NR5A2: variants seen among roughly 807,000 people sequenced by gnomAD.
NR5A2 encodes the protein nuclear receptor subfamily 5 group A member 2, also known as CYP7A promoter-binding factor.
In NR5A2, 26 loss-of-function variants were observed where a neutral mutation model predicts 62.7. That is an observed-to-expected ratio of 0.41 (90% CI 0.30 to 0.58). The LOEUF is 0.58. Among genes scored for constraint, NR5A2 ranks in the 20% least tolerant of loss-of-function variants. The pLI is 0.22. For synonymous variants in NR5A2, 246 were observed against 241.7 expected, an observed-to-expected ratio of 1.02 and a Z score of -0.16; for missense variants, 541 against 669.1, an observed-to-expected ratio of 0.81 and a Z score of 2.11.
intron 5 of NR5A2, among the ~76,000 whole-genome samples, chr1:200,077,116 T>A (rs907420418): frequency 6.6e-6 from 1 of 152,254 alleles, no homozygotes; most frequent in Non-Finnish European, 1.5e-5. Context: ...CAAATGAAAG[T>A]CTTTTAAACA....
At chr1:200,146,011 A>G (rs1412621871) in intron 7 of NR5A2, among the ~76,000 whole-genome samples, 2 of 152,196 alleles carry the variant, frequency 1.3e-5, no homozygotes, top group East Asian at 3.8e-4. Flanking sequence ...ACTTATCAAA[A>G]ATTTATTGAA....
chr1:200,105,780 C>T (rs532976987), intron 5 of NR5A2, among the ~76,000 whole-genome samples: 4 of 151,972 alleles, frequency 2.6e-5, no homozygotes, highest in East Asian at 1.9e-4. Flanking sequence ...AGTGAGAACT[C>T]GTCTCTACAA....
At position 200,112,429 on chromosome 1, in the gene NR5A2, A is replaced by G. The variant is rs533801804; in HGVS notation, c.1230+1108A>G. Among the ~76,000 whole-genome samples, 7 of 152,342 alleles carry G rather than the reference A, an allele frequency of 4.6e-5. No homozygotes were observed. The East Asian group carries it at 1.3e-3, about 29-fold the overall frequency. ...TATTCAGGGTCCCACTGCATTGTTC[A>G]GCAATGGTGACTTCAGTACTCGGCA... On this transcript the variant is annotated intron_variant, in intron 6 of 7. Transcript: ENST00000367362.
chr1:200,150,542 G>A (rs907060700), intron 7 of NR5A2, among the ~76,000 whole-genome samples: 1 of 152,160 alleles, frequency 6.6e-6, no homozygotes, highest in African/African-American at 2.4e-5. Context: ...GGCTAATTAC[G>A]AGATGCTTGT....
rs149528752 is a variant in NR5A2 at position 200,175,171 on chromosome 1, C to G, written c.*961C>G. On this transcript the variant is annotated 3_prime_UTR_variant, in exon 8 of 8. Transcript: ENST00000367362. ...TCATTTAAAAATACAACATTAAACA[C>G]ATTTTGCTAGGATGTCAAATAGTCA... 6.6e-6 allele frequency: 1 copy of G among 152,610 alleles called. No individual in the cohort carries two copies. The highest frequency in any genetic ancestry group is 2.4e-5 in the African/African-American group (1 of 41,468). The allele number at this position is 152,610 out of a possible 1,614,324, so 9.5% of individuals were successfully genotyped here.
chr1:200,144,312 G>T (rs571135045), intron 7 of NR5A2, among the ~76,000 whole-genome samples: 2 of 151,614 alleles, frequency 1.3e-5, no homozygotes, highest in South Asian at 4.2e-4. Context: ...GCCTTGTGCC[G>T]TGGGTCTCCG....
At chr1:200,042,730 C>G (rs1662168463) in intron 2 of NR5A2, 2 of 889,196 alleles carry the variant, frequency 2.2e-6, no homozygotes, top group South Asian at 5.2e-5. Flanking sequence ...ACCCGCGCCC[C>G]GCGCTCCCAT....
At chr1:200,072,663 C>A (rs1663791628) in intron 5 of NR5A2, among the ~76,000 whole-genome samples, 1 of 152,102 alleles carries the variant, frequency 6.6e-6, no homozygotes, top group African/African-American at 2.4e-5. Context: ...CTTGGATGAA[C>A]ACTTTTAATT....
Position 200,175,306 on chromosome 1 carries a change from T to C in NR5A2, c.*1096T>C, listed in dbSNP as rs1243336804. On this transcript the variant is annotated 3_prime_UTR_variant, in exon 8 of 8. Coordinates refer to ENST00000367362, the MANE Select transcript of NR5A2 (RefSeq NM_205860.3). ...GGTTCATTCTTGCTGCAATTGAACA[T>C]CCTCAAGAGTTGGGATGGAAATGGT... The C allele has an allele frequency of 6.6e-6, 1 of 152,416 alleles. No individual in the cohort carries two copies. The highest frequency in any genetic ancestry group is 1.9e-4 in the East Asian group (1 of 5,198). The allele number at this position is 152,416 out of a possible 1,614,324, so 9.4% of individuals were successfully genotyped here.
At chr1:200,151,306 C>G (rs1259545369) in intron 7 of NR5A2, among the ~76,000 whole-genome samples, 2 of 152,204 alleles carry the variant, frequency 1.3e-5, no homozygotes, top group Non-Finnish European at 2.9e-5. Flanking sequence ...CAGGAACCAT[C>G]TATCAATTCT....
intron 7 of NR5A2, among the ~76,000 whole-genome samples, chr1:200,163,486 GTT>G (rs560600548): frequency 1.4e-5 from 2 of 142,158 alleles, no homozygotes; most frequent in Non-Finnish European, 1.5e-5. Flanking sequence ...TTTGTTTATT[GTT>G]TTTTTTTTTT....
chr1:200,147,728 C>A lies in NR5A2; in HGVS notation c.1379-26235C>A. 1.7e-6 allele frequency: 1 copy of A among 603,790 alleles called. No homozygotes were observed. The highest frequency in any genetic ancestry group is 3.1e-6 in the Non-Finnish European group (1 of 320,378). 37.4% of individuals were successfully genotyped at this position (603,790 alleles called of 1,614,324 possible). A position where few individuals can be genotyped will look rare whatever the true frequency, so the allele number is the denominator to read the frequency against. On this transcript the variant is annotated intron_variant, in intron 7 of 7. Coordinates refer to ENST00000367362, the MANE Select transcript of NR5A2 (RefSeq NM_205860.3). This position sits in a 1 kb window ranked among gnomAD's most constrained non-coding sequence, Gnocchi z 4.9. ...TCCTCCAGCTCCTCCCTGAGCGCCTCTCCCACGTCCACGGTGAAGACGCGG... is the reference window on the plus strand; with the variant it reads ...TCCTCCAGCTCCTCCCTGAGCGCCTATCCCACGTCCACGGTGAAGACGCGG...
At chr1:200,126,036 C>G (rs1016359083) in intron 7 of NR5A2, among the ~76,000 whole-genome samples, 4 of 152,052 alleles carry the variant, frequency 2.6e-5, no homozygotes, top group Non-Finnish European at 5.9e-5. Flanking sequence ...TTTATAGAGA[C>G]AGGGTCTCAC....
intron 5 of NR5A2, among the ~76,000 whole-genome samples, chr1:200,099,154 T>G (rs1199149204): frequency 1.3e-5 from 2 of 152,174 alleles, no homozygotes; most frequent in Non-Finnish European, 2.9e-5. Flanking sequence ...CCCAGGAGCC[T>G]TTGTACCCAG....
At chr1:200,052,831 G>C (rs34125915) in intron 5 of NR5A2, among the ~76,000 whole-genome samples, 1 of 151,968 alleles carries the variant, frequency 6.6e-6, no homozygotes, top group South Asian at 2.1e-4. Context: ...TAGTAGAGAC[G>C]GTGTTTCACC....
At chr1:200,162,244 A>T (rs991654093) in intron 7 of NR5A2, among the ~76,000 whole-genome samples, 44 of 152,218 alleles carry the variant, frequency 2.9e-4, no homozygotes, top group Non-Finnish European at 2.9e-5. Context: ...GCCCTGCATG[A>T]TGGGCAAATA....
intron 5 of NR5A2, among the ~76,000 whole-genome samples, chr1:200,051,874 A>T (rs891156977): frequency 6.6e-6 from 1 of 152,162 alleles, no homozygotes; most frequent in Non-Finnish European, 1.5e-5. Flanking sequence ...ACAGTAGGAA[A>T]TGTATTTTAT....
Position 200,048,055 on chromosome 1 carries a change from AAAC to A in NR5A2, c.464-113_464-111del, listed in dbSNP as rs1662454745. ...AAATCTTTGTGGGCTATTGTAACGAAAACAACCACACACATACCACTTCTTGTC... is the reference window on the plus strand; with the variant it reads ...AAATCTTTGTGGGCTATTGTAACGAAAACCACACACATACCACTTCTTGTC... On this transcript the variant is annotated intron_variant, in intron 4 of 7. Coordinates refer to ENST00000367362, the MANE Select transcript of NR5A2 (RefSeq NM_205860.3). This position sits in a 1 kb window ranked among gnomAD's most constrained non-coding sequence, Gnocchi z 4.8. 1.0e-6 allele frequency: 1 copy of A among 981,444 alleles called. No individual in the cohort carries two copies. The highest frequency in any genetic ancestry group is 1.6e-5 in the African/African-American group (1 of 61,656). The allele number at this position is 981,444 out of a possible 1,614,324, so 60.8% of individuals were successfully genotyped here. A position where few individuals can be genotyped will look rare whatever the true frequency, so the allele number is the denominator to read the frequency against.
intron 5 of NR5A2, among the ~76,000 whole-genome samples, chr1:200,099,536 T>A (rs1665267614): frequency 6.6e-6 from 1 of 152,130 alleles, no homozygotes; most frequent in Admixed American, 6.6e-5. Flanking sequence ...TCTTCCTTAA[T>A]TTATGCCATA....
Sources: gnomAD v4.1 joint callset for allele counts (sites outside exome capture counted in the v4.1 genomes callset) on GRCh38, gnomAD v4.1.1 for gene constraint, Gnocchi (gnomAD v3.1) non-coding constraint, MANE v1.5 for transcripts, NCBI Gene and HGNC (gene_info 2026-07-23, HGNC 2026-07-21) for gene names.